The following ZMAT4 variants were observed in gnomAD, a reference collection of about 807,000 sequenced individuals.
The protein encoded by ZMAT4 is zinc finger matrin-type protein 4.
Under a neutral mutation model 28.7 loss-of-function variants are expected in ZMAT4, and 17 were observed. The observed-to-expected ratio is 0.59, with a 90% confidence interval of 0.41 to 0.89. The LOEUF (loss-of-function observed/expected upper bound fraction) is 0.89, where lower values mean the gene tolerates loss of function less well. Ranked by LOEUF, ZMAT4 falls within the 40% of genes least tolerant of loss-of-function variation. The pLI is 0.00. For synonymous variants in ZMAT4, 117 were observed against 109.2 expected, an observed-to-expected ratio of 1.07 and a Z score of -0.44; for missense variants, 240 against 283.8, an observed-to-expected ratio of 0.85 and a Z score of 1.11.
At chr8:40,657,902 C>T (rs1807998662) in intron 5 of ZMAT4, among the ~76,000 whole-genome samples, 1 of 152,102 alleles carries the variant, frequency 6.6e-6, no homozygotes, top group Admixed American at 6.6e-5. Flanking sequence ...CTTAAACATG[C>T]AAATGTGTTT....
At chr8:40,839,668 G>A (rs1394650160) in intron 1 of ZMAT4, among the ~76,000 whole-genome samples, 1 of 152,176 alleles carries the variant, frequency 6.6e-6, no homozygotes, top group African/African-American at 2.4e-5. Context: ...CAACATGAAT[G>A]GATTGGAGGT....
intron 3 of ZMAT4, among the ~76,000 whole-genome samples, chr8:40,699,163 G>A (rs192852995): frequency 9.7e-4 from 148 of 152,196 alleles, no homozygotes; most frequent in Non-Finnish European, 1.8e-3. Flanking sequence ...CCAGGGAGAT[G>A]GCATATACCA....
chr8:40,711,040 T>C (rs1810593490), intron 3 of ZMAT4, among the ~76,000 whole-genome samples: 1 of 152,154 alleles, frequency 6.6e-6, no homozygotes, highest in South Asian at 2.1e-4. Context: ...CAGTTTGGCC[T>C]CCCAAAGTAC....
rs3039809 is a variant in ZMAT4 at position 40,601,405 on chromosome 8, A to AAGGAAGGAAGGAAGGAAGG, written c.578-20145_578-20144insCCTTCCTTCCTTCCTTCCT. Among the ~76,000 whole-genome samples the AAGGAAGGAAGGAAGGAAGG allele has an allele frequency of 1.1e-3, 76 of 72,276 alleles. 13 individuals carry two copies. The highest frequency in any genetic ancestry group is 1.4e-3 in the Non-Finnish European group (54 of 38,446). The allele number at this position is 72,276 out of a possible 152,430, so 47.4% of individuals were successfully genotyped here. On this transcript the variant is annotated intron_variant, in intron 5 of 6. Coordinates refer to ENST00000297737, the MANE Select transcript of ZMAT4 (RefSeq NM_024645.3). ...AGAAGGAAGGAAGGAAGGAGGAAAG[A>AAGGAAGGAAGGAAGGAAGG]AAGGAAGGAAGGAAGGAAGGAAGGA...
chr8:40,665,238 A>AC (rs1491323333), intron 5 of ZMAT4, among the ~76,000 whole-genome samples: 1 of 127,374 alleles, frequency 7.9e-6, no homozygotes, highest in Admixed American at 8.0e-5. Context: ...ACACACACAC[A>AC]AAAAAAACAA....
chr8:40,880,981 G>A (rs552287288), intron 1 of ZMAT4, among the ~76,000 whole-genome samples: 3 of 152,258 alleles, frequency 2.0e-5, no homozygotes, highest in East Asian at 1.9e-4. Flanking sequence ...GTATGACACA[G>A]CGTCTTCCCT....
intron 5 of ZMAT4, among the ~76,000 whole-genome samples, chr8:40,625,590 A>C (rs1806345524): frequency 1.3e-5 from 2 of 152,160 alleles, no homozygotes; most frequent in African/African-American, 2.4e-5. Flanking sequence ...TCACTTACAC[A>C]GCTTTGGGCA....
At chr8:40,860,482 T>C (rs1264611616) in intron 1 of ZMAT4, among the ~76,000 whole-genome samples, 1 of 152,238 alleles carries the variant, frequency 6.6e-6, no homozygotes, top group Non-Finnish European at 1.5e-5. Context: ...TATTGTTACA[T>C]TGGACAACAG....
chr8:40,629,287 C>A (rs1806485897), intron 5 of ZMAT4, among the ~76,000 whole-genome samples: 1 of 151,396 alleles, frequency 6.6e-6, no homozygotes, highest in Non-Finnish European at 1.5e-5. Flanking sequence ...TAATTTCAGG[C>A]TTTGTTTTTT....
At position 40,648,558 on chromosome 8, in the gene ZMAT4, C is replaced by G. The variant is rs1201398092; in HGVS notation, c.577+26146G>C. Among the ~76,000 whole-genome samples the G allele has an allele frequency of 9.3e-4, 126 of 135,614 alleles. 1 individual carries two copies. The highest frequency in any genetic ancestry group is 3.5e-4 in the Non-Finnish European group (22 of 63,390). The allele number at this position is 135,614 out of a possible 152,430, so 89.0% of individuals were successfully genotyped here. On this transcript the variant is annotated intron_variant, in intron 5 of 6. Coordinates refer to ENST00000297737, the MANE Select transcript of ZMAT4 (RefSeq NM_024645.3). ...AGCAAGGCAGGCCAACGTTCAGATT[C>G]AGGAAATACAGAGAACGCCACAAAG... is the stretch of plus-strand genomic sequence containing the variant.
At chr8:40,774,629 AATAG>A (rs1408507710) in intron 2 of ZMAT4, among the ~76,000 whole-genome samples, 5 of 151,820 alleles carry the variant, frequency 3.3e-5, no homozygotes, top group African/African-American at 1.2e-4. Context: ...ATATCCATAT[AATAG>A]ATACCAAAGA....
At chr8:40,796,826 G>A (rs905321360) in intron 2 of ZMAT4, among the ~76,000 whole-genome samples, 4 of 152,110 alleles carry the variant, frequency 2.6e-5, no homozygotes, top group African/African-American at 7.2e-5. Flanking sequence ...TGAGTGTCAG[G>A]GAAACTGCAA....
chr8:40,569,575 A>C (rs1452881754), intron 6 of ZMAT4, among the ~76,000 whole-genome samples: 1 of 152,150 alleles, frequency 6.6e-6, no homozygotes, highest in Non-Finnish European at 1.5e-5. Context: ...ACTCCCTCTT[A>C]CCCATCCCTG....
chr8:40,774,687 T>TAC (rs1050421636), intron 2 of ZMAT4, among the ~76,000 whole-genome samples: 3 of 150,770 alleles, frequency 2.0e-5, no homozygotes, highest in African/African-American at 7.3e-5. Context: ...CATAGAAATA[T>TAC]ATATATATAA....
At chr8:40,535,773 AGC>A (rs1802826675) in intron 6 of ZMAT4, among the ~76,000 whole-genome samples, 1 of 152,180 alleles carries the variant, frequency 6.6e-6, no homozygotes, top group African/African-American at 2.4e-5. Context: ...TGAAGGTGGT[AGC>A]TAGAGAAATA....
At chr8:40,854,408 A>C (rs1177215570) in intron 1 of ZMAT4, among the ~76,000 whole-genome samples, 2 of 152,228 alleles carry the variant, frequency 1.3e-5, no homozygotes, top group African/African-American at 4.8e-5. Context: ...TTCCCTTTAA[A>C]ATATAGTTAT....
chr8:40,735,600 C>T (rs1811731109), intron 3 of ZMAT4, among the ~76,000 whole-genome samples: 1 of 152,158 alleles, frequency 6.6e-6, no homozygotes, highest in Non-Finnish European at 1.5e-5. Context: ...TTTAACCCAT[C>T]ATAAAGCTTG....
At chr8:40,892,445 A>C (rs1311825047) in intron 1 of ZMAT4, among the ~76,000 whole-genome samples, 4 of 152,238 alleles carry the variant, frequency 2.6e-5, no homozygotes. Flanking sequence ...AGTCATCGGC[A>C]TAAACAGGGA....
intron 6 of ZMAT4, among the ~76,000 whole-genome samples, chr8:40,565,170 T>A: frequency 6.6e-6 from 1 of 152,180 alleles, no homozygotes; most frequent in East Asian, 1.9e-4. Flanking sequence ...CCCTGGTTTC[T>A]TCCCTTACTT....
Sources: allele counts gnomAD v4.1 joint callset (sites outside exome capture counted in the v4.1 genomes callset), GRCh38; gene constraint gnomAD v4.1.1; transcripts MANE v1.5; gene names NCBI Gene and HGNC (gene_info 2026-07-23, HGNC 2026-07-21).